The following BRAF variants were observed in gnomAD, a reference collection of about 807,000 sequenced individuals.
BRAF encodes the protein B-Raf proto-oncogene, serine/threonine kinase.
In BRAF, 16 loss-of-function variants were observed where a neutral mutation model predicts 104.6. The ratio of observed to expected loss-of-function variants is 0.15; its 90% CI spans 0.10 to 0.23. The LOEUF is 0.23. Among genes scored for constraint, BRAF ranks in the 10% least tolerant of loss-of-function variants. The pLI is 1.00. For missense variants in BRAF, 541 were observed against 937.3 expected (o/e 0.58, Z 5.52); for synonymous variants, 310 against 341.6 (o/e 0.91, Z 1.02).
downstream of BRAF, among the ~76,000 whole-genome samples, chr7:140,714,818 G>A (rs575311115): frequency 6.6e-6 from 1 of 152,300 alleles, no homozygotes; most frequent in South Asian, 2.1e-4. Context: ...CACTGGGTGA[G>A]GTGCTAGAGA....
chr7:140,728,946 T>TTGGGC (rs1266363822), intron 19 of BRAF, among the ~76,000 whole-genome samples: 3 of 151,722 alleles, frequency 2.0e-5, no homozygotes, highest in African/African-American at 7.3e-5. Context: ...TCAGCTAAGG[T>TTGGGC]TGGGCACAGT....
chr7:140,843,933 C>T (rs1156483361), intron 2 of BRAF, among the ~76,000 whole-genome samples: 3 of 152,010 alleles, frequency 2.0e-5, no homozygotes, highest in Admixed American at 1.3e-4. Flanking sequence ...GGCGTGAACC[C>T]GGGAGGTGGA....
intron 14 of BRAF, among the ~76,000 whole-genome samples, chr7:140,772,214 CT>C (rs1280930549): frequency 4.6e-5 from 7 of 152,204 alleles, no homozygotes; most frequent in Non-Finnish European, 1.0e-4. Flanking sequence ...TTCATGACCC[CT>C]AGGACCATCC....
intron 1 of BRAF, among the ~76,000 whole-genome samples, chr7:140,893,114 A>G (rs761216934): frequency 1.3e-5 from 2 of 152,194 alleles, no homozygotes; most frequent in Non-Finnish European, 2.9e-5. Flanking sequence ...GGGAAAAAAG[A>G]CATTAAAAAT....
At chr7:140,830,330 ATGT>A (rs1806587095) in intron 3 of BRAF, among the ~76,000 whole-genome samples, 1 of 152,178 alleles carries the variant, frequency 6.6e-6, no homozygotes, top group Non-Finnish European at 1.5e-5. Flanking sequence ...GTGGTTTATT[ATGT>A]TGACAAACTC....
intron 6 of BRAF, 82 bp from the exon 7 acceptor site, chr7:140,800,563 C>A: frequency 6.2e-7 from 1 of 1,600,450 alleles, no homozygotes; most frequent in Non-Finnish European, 8.5e-7. Flanking sequence ...ACCAAAAAAA[C>A]TGAGATCAAA....
chr7:140,847,425 A>C (rs1016199576), intron 2 of BRAF, among the ~76,000 whole-genome samples: 2 of 152,054 alleles, frequency 1.3e-5, no homozygotes, highest in Non-Finnish European at 2.9e-5. Context: ...TCTACTAAAA[A>C]CACAAAAATT....
At chr7:140,738,697 A>G (rs958627066) in intron 18 of BRAF, among the ~76,000 whole-genome samples, 29 of 152,058 alleles carry the variant, frequency 1.9e-4, no homozygotes, top group African/African-American at 7.0e-4. Context: ...GCTCATTACA[A>G]TCTCCACCTC....
At chr7:140,893,341 C>T (rs1351366694) in intron 1 of BRAF, among the ~76,000 whole-genome samples, 2 of 151,994 alleles carry the variant, frequency 1.3e-5, no homozygotes, top group Non-Finnish European at 2.9e-5. Context: ...GCTCTGCCCC[C>T]AGGGTTCACA....
intron 1 of BRAF, chr7:140,884,296 T>G (rs192016059): frequency 6.6e-6 from 1 of 152,110 alleles, no homozygotes; most frequent in African/African-American, 2.4e-5. Flanking sequence ...ACACTCCTAA[T>G]TTCTAGAAGA....
At position 140,897,651 on chromosome 7, in the gene BRAF, C is replaced by T. The variant is rs144829020; in HGVS notation, c.138+26915G>A. Among the ~76,000 whole-genome samples the T allele has an allele frequency of 2.6e-3, 400 of 151,684 alleles. 12 individuals are homozygous for T. In the East Asian group the frequency reaches 0.054, roughly 21 times the overall value. ...CTGGGACTACAGGCACACACCACCA[C>T]GTCCAGCTAATTTTTGTATTTTTAG... On this transcript the variant is annotated intron_variant, in intron 1 of 19. Transcript: ENST00000644969.
intron 1 of BRAF, among the ~76,000 whole-genome samples, chr7:140,873,168 T>TC (rs1445827552): frequency 2.5e-4 from 20 of 79,862 alleles, no homozygotes; most frequent in Admixed American, 1.6e-3. Context: ...GTCTGTGGCT[T>TC]TTTTTTTTTT....
chr7:140,813,167 T>C (rs915317342), intron 3 of BRAF, among the ~76,000 whole-genome samples: 2 of 152,160 alleles, frequency 1.3e-5, no homozygotes, highest in African/African-American at 4.8e-5. Flanking sequence ...ATGTGTTAGC[T>C]TCCTGATACA....
rs1554388166 is a variant in BRAF, at chr7:140,734,820, A to AAAAAG, written c.2248-51_2248-50insCTTTT. 4,991 of 1,374,070 alleles carry AAAAAG rather than the reference A, an allele frequency of 3.6e-3. 244 individuals carry two copies. In the African/African-American group the frequency reaches 0.082, roughly 23 times the overall value. 85.1% of individuals were successfully genotyped at this position (1,374,070 alleles called of 1,614,324 possible). ...AAGAAAAAAAAAGAAAAAAGAAAAA[A>AAAAAG]AAAGAAAGAAAGAAAAAGAAAAAAC... On this transcript the variant is annotated intron_variant, in intron 18 of 19. Coordinates refer to ENST00000644969, the MANE Select transcript of BRAF (RefSeq NM_001374258.1).
rs569866565 is a variant in BRAF, at chr7:140,874,407, G to A, written c.139-24195C>T. Reference sequence around the variant, plus strand: ...AGTAGAGACGGGGTTTCATCACGTTGGCCAGGATGGCCTCGATCTCCTGAC... The same window carrying A: ...AGTAGAGACGGGGTTTCATCACGTTAGCCAGGATGGCCTCGATCTCCTGAC... On this transcript the variant is annotated intron_variant, in intron 1 of 19. Transcript: ENST00000644969. Among the ~76,000 whole-genome samples, 465 of 151,466 alleles carry A rather than the reference G, an allele frequency of 3.1e-3. 6 individuals are homozygous for A. Among genetic ancestry groups the A allele is most frequent in the Non-Finnish European group, 5.8e-3 (393 of 67,866 alleles).
At chr7:140,870,885 A>G (rs1245738012) in intron 1 of BRAF, among the ~76,000 whole-genome samples, 1 of 152,010 alleles carries the variant, frequency 6.6e-6, no homozygotes, top group Non-Finnish European at 1.5e-5. Context: ...AAAAAAAAAA[A>G]AAAAGACTTT....
chr7:140,906,967 T>C (rs1007733219), intron 1 of BRAF, among the ~76,000 whole-genome samples: 1 of 152,228 alleles, frequency 6.6e-6, no homozygotes, highest in Non-Finnish European at 1.5e-5. Context: ...ATTGGATCTA[T>C]AAAATTTTCA....
At chr7:140,770,470 G>T (rs1799726829) in intron 14 of BRAF, among the ~76,000 whole-genome samples, 1 of 114,510 alleles carries the variant, frequency 8.7e-6, no homozygotes, top group South Asian at 2.8e-4. Context: ...TTAATTTTTT[G>T]ATAAAGTTAA....
chr7:140,791,925 A>G (rs1325400449), intron 8 of BRAF, among the ~76,000 whole-genome samples: 1 of 152,232 alleles, frequency 6.6e-6, no homozygotes, highest in Non-Finnish European at 1.5e-5. Flanking sequence ...ATTTATCAGC[A>G]GTGTAATCTG....
Sources: gnomAD v4.1 joint callset for allele counts (sites outside exome capture counted in the v4.1 genomes callset) on GRCh38, gnomAD v4.1.1 for gene constraint, MANE v1.5 for transcripts, NCBI Gene and HGNC (gene_info 2026-07-23, HGNC 2026-07-21) for gene names.